Variants in TAFA2 observed in about 807,000 individuals in gnomAD.
The protein encoded by TAFA2 is chemokine-like protein TAFA-2.
A neutral mutation model predicts 18.8 loss-of-function variants in TAFA2; 7 were observed. The observed-to-expected ratio is 0.37, with a 90% CI of 0.21 to 0.70. TAFA2 has a LOEUF of 0.70. Ranked by LOEUF, TAFA2 falls within the 30% of genes least tolerant of loss-of-function variation. The pLI is 0.53. For synonymous variants in TAFA2, 60 were observed against 54.2 expected (o/e 1.11, Z -0.47); for missense variants, 122 against 158.1 (o/e 0.77, Z 1.23).
chr12:62,070,929 A>G (rs764448607), intron 1 of TAFA2, among the ~76,000 whole-genome samples: 3 of 152,236 alleles, frequency 2.0e-5, no homozygotes, highest in Non-Finnish European at 4.4e-5. Context: ...AACATACGAA[A>G]TAAATTGGCA....
intron 2 of TAFA2, among the ~76,000 whole-genome samples, chr12:61,774,082 AT>A (rs909285473): frequency 1.3e-5 from 2 of 152,012 alleles, no homozygotes; most frequent in African/African-American, 4.8e-5. Context: ...CAAATGACCA[AT>A]AAAAATATGA....
chr12:61,795,632 G>A (rs965839817), intron 2 of TAFA2, among the ~76,000 whole-genome samples: 3 of 151,916 alleles, frequency 2.0e-5, no homozygotes, highest in African/African-American at 7.2e-5. Flanking sequence ...TGTAAATGAC[G>A]AGTTAATGGG....
At chr12:61,724,797 G>GTGTATACACCAGATGGGTGTATA (rs1870075189) in intron 4 of TAFA2, among the ~76,000 whole-genome samples, 11 of 114,120 alleles carry the variant, frequency 9.6e-5, no homozygotes, top group African/African-American at 3.7e-4. Context: ...GTGTGTGTGT[G>GTGTATACACCAGATGGGTGTATA]TGTGTATACA....
chr12:62,019,473 T>C (rs1565718133), intron 1 of TAFA2, among the ~76,000 whole-genome samples: 1 of 149,692 alleles, frequency 6.7e-6, no homozygotes, highest in African/African-American at 2.5e-5. Flanking sequence ...ATATACACCA[T>C]GGAATACTAT....
chr12:61,935,498 A>G (rs915130376), intron 1 of TAFA2, among the ~76,000 whole-genome samples: 4 of 152,194 alleles, frequency 2.6e-5, no homozygotes, highest in African/African-American at 9.6e-5. Flanking sequence ...AGTCCATCCA[A>G]TATACCATCA....
chr12:62,016,537 C>A (rs1182802224), intron 1 of TAFA2, among the ~76,000 whole-genome samples: 2 of 152,184 alleles, frequency 1.3e-5, no homozygotes, highest in Non-Finnish European at 2.9e-5. Context: ...AACACTCCAA[C>A]TGCCCTCAGA....
At chr12:61,868,435 C>A (rs896432903) in intron 1 of TAFA2, among the ~76,000 whole-genome samples, 1 of 152,118 alleles carries the variant, frequency 6.6e-6, no homozygotes, top group Non-Finnish European at 1.5e-5. Context: ...TGTGACTTTC[C>A]GATTCAGATC....
rs529567960 is a variant in TAFA2, at chr12:62,110,823, G to T, written c.-2+80436C>A. Among the ~76,000 whole-genome samples the T allele has an allele frequency of 2.0e-5, 3 of 151,954 alleles. No homozygotes were observed. The South Asian group carries it at 6.2e-4, about 32-fold the overall frequency. ...CTGGTGGTAGTTTATATTGCTGTGGGATCAGCAGTGATATCCCCTTTATCA... is the reference window on the plus strand; with the variant it reads ...CTGGTGGTAGTTTATATTGCTGTGGTATCAGCAGTGATATCCCCTTTATCA... On this transcript the variant is annotated intron_variant, in intron 1 of 4. Coordinates refer to ENST00000416284, the MANE Select transcript of TAFA2 (RefSeq NM_178539.5).
At chr12:61,817,319 G>T (rs1474096139) in intron 2 of TAFA2, among the ~76,000 whole-genome samples, 1 of 151,802 alleles carries the variant, frequency 6.6e-6, no homozygotes. Context: ...ATGTGACAAG[G>T]CCTAGTCTGT....
rs2062398879 is a variant in TAFA2, at chr12:62,160,408, T to A, written c.-2+30851A>T. 2.0e-5 allele frequency among the ~76,000 whole-genome samples: 3 copies of A among 152,218 alleles called. No homozygotes were observed. In the South Asian group the frequency reaches 6.2e-4, roughly 32 times the overall value. ...TTCTTTGAGCTCTCAGATCATTTCG[T>A]TCATACTTCTATTAAAGGCCTTGGC... On this transcript the variant is annotated intron_variant, in intron 1 of 4. Transcript: ENST00000416284.
At position 61,884,260 on chromosome 12, in the gene TAFA2, T is replaced by C. The variant is rs1875272422; in HGVS notation, c.-1-16834A>G. Among the ~76,000 whole-genome samples the C allele has an allele frequency of 1.3e-5, 2 of 152,132 alleles. 1 individual carries two copies. Among genetic ancestry groups the C allele is most frequent in the Non-Finnish European group, 2.9e-5 (2 of 67,994 alleles). On this transcript the variant is annotated intron_variant, in intron 1 of 4. Coordinates refer to ENST00000416284, the MANE Select transcript of TAFA2 (RefSeq NM_178539.5). ...ATGCTGACGGCGACATGGAAGTGTTTTCCCTTAATGTAGTAGGTACCAGCG... is the reference window on the plus strand; with the variant it reads ...ATGCTGACGGCGACATGGAAGTGTTCTCCCTTAATGTAGTAGGTACCAGCG...
intron 1 of TAFA2, among the ~76,000 whole-genome samples, chr12:61,896,676 C>G (rs1875859750): frequency 6.6e-6 from 1 of 152,140 alleles, no homozygotes; most frequent in Admixed American, 6.5e-5. Context: ...ATTTGATTTA[C>G]TTTATTCTTA....
chr12:62,042,245 G>A lies in TAFA2; in HGVS notation c.-2+149014C>T, dbSNP rs867348715. Reference sequence around the variant, plus strand: ...ATACTCAACTCTGCTCAGTGTCTAGGTCAATCCTGATCTCATGGAGGAACA... The same window carrying A: ...ATACTCAACTCTGCTCAGTGTCTAGATCAATCCTGATCTCATGGAGGAACA... On this transcript the variant is annotated intron_variant, in intron 1 of 4. Transcript: ENST00000416284. Among the ~76,000 whole-genome samples, 6 of 152,020 alleles carry A rather than the reference G, an allele frequency of 3.9e-5. No homozygotes were observed. In the South Asian group the frequency reaches 1.2e-3, roughly 32 times the overall value.
At chr12:61,842,713 T>TA (rs1319548815) in intron 2 of TAFA2, among the ~76,000 whole-genome samples, 1 of 151,990 alleles carries the variant, frequency 6.6e-6, no homozygotes, top group Non-Finnish European at 1.5e-5. Flanking sequence ...TTTAATTTAA[T>TA]AAAAAATGAA....
chr12:61,915,442 G>A (rs1052857851), intron 1 of TAFA2, among the ~76,000 whole-genome samples: 1 of 152,172 alleles, frequency 6.6e-6, no homozygotes, highest in Non-Finnish European at 1.5e-5. Context: ...ATGTGTATTA[G>A]CCAAAGTTCT....
At chr12:61,752,093 C>T (rs1318169551) in intron 4 of TAFA2, among the ~76,000 whole-genome samples, 2 of 151,986 alleles carry the variant, frequency 1.3e-5, no homozygotes, top group Non-Finnish European at 2.9e-5. Flanking sequence ...AATTAATTAG[C>T]TATATGTCCT....
chr12:62,117,662 G>C (rs1406094152), intron 1 of TAFA2, among the ~76,000 whole-genome samples: 1 of 152,042 alleles, frequency 6.6e-6, no homozygotes, highest in East Asian at 1.9e-4. Flanking sequence ...AGAAAATGTA[G>C]TAGAATGAGT....
chr12:62,222,282 A>G (rs538356967), intron 1 of TAFA2, among the ~76,000 whole-genome samples: 56 of 152,222 alleles, frequency 3.7e-4, no homozygotes, highest in Non-Finnish European at 6.5e-4. Context: ...AGCCACCTAC[A>G]TGTACCTTGT....
At chr12:61,866,208 C>A (rs560057619) in intron 2 of TAFA2, among the ~76,000 whole-genome samples, 1 of 152,194 alleles carries the variant, frequency 6.6e-6, no homozygotes, top group East Asian at 1.9e-4. Context: ...TGAAGAAACT[C>A]TTCATAAAAT....
Sources: allele counts gnomAD v4.1 joint callset (sites outside exome capture counted in the v4.1 genomes callset), GRCh38; gene constraint gnomAD v4.1.1; transcripts MANE v1.5; gene names NCBI Gene and HGNC (gene_info 2026-07-23, HGNC 2026-07-21).